UBE2E3: variants seen among roughly 807,000 people sequenced by gnomAD.
UBE2E3 encodes ubiquitin-conjugating enzyme E2 E3.
UBE2E3 carries 5 observed loss-of-function variants against 23.6 expected under a neutral mutation model. That is an observed-to-expected ratio of 0.21 (90% confidence interval 0.11 to 0.44). The LOEUF (loss-of-function observed/expected upper bound fraction) is 0.44, where lower values mean the gene tolerates loss of function less well. Ranked by LOEUF, UBE2E3 falls within the 20% of genes least tolerant of loss-of-function variation. The pLI, the probability that UBE2E3 is intolerant of heterozygous loss-of-function variation, is 0.99. For synonymous variants in UBE2E3, 78 were observed against 87.5 expected (o/e 0.89, Z 0.60); for missense variants, 81 against 249.8 (o/e 0.32, Z 4.55).
intron 3 of UBE2E3, among the ~76,000 whole-genome samples, chr2:181,021,882 G>GC (rs1469384946): frequency 4.6e-5 from 7 of 151,992 alleles, no homozygotes; most frequent in Admixed American, 4.6e-4. Context: ...ATTTTTAAAT[G>GC]CATCTAAAAG....
At chr2:181,060,003 CT>C (rs1574228288) in intron 4 of UBE2E3, among the ~76,000 whole-genome samples, 2 of 151,424 alleles carry the variant, frequency 1.3e-5, no homozygotes, top group African/African-American at 4.8e-5. Context: ...GATTTATCTT[CT>C]TTTCTCACAC....
intron 3 of UBE2E3, among the ~76,000 whole-genome samples, chr2:181,053,821 C>T (rs1007917722): frequency 1.3e-5 from 2 of 151,736 alleles, no homozygotes; most frequent in Non-Finnish European, 2.9e-5. Flanking sequence ...AAGTTCACTC[C>T]CTTACAGATC....
At chr2:181,062,251 C>T (rs887533869) in intron 5 of UBE2E3, among the ~76,000 whole-genome samples, 2 of 151,246 alleles carry the variant, frequency 1.3e-5, no homozygotes, top group Non-Finnish European at 3.0e-5. Context: ...TTTTAAACAT[C>T]AAAATAAAAA....
At chr2:181,049,414 A>C (rs1474221844) in intron 3 of UBE2E3, among the ~76,000 whole-genome samples, 1 of 151,954 alleles carries the variant, frequency 6.6e-6, no homozygotes, top group East Asian at 1.9e-4. Context: ...GTGTTTTTTA[A>C]ATTATTTCAC....
intron 3 of UBE2E3, among the ~76,000 whole-genome samples, chr2:181,028,823 G>C (rs188180677): frequency 1.3e-5 from 2 of 152,074 alleles, no homozygotes; most frequent in East Asian, 3.9e-4. Context: ...TAATGACTTG[G>C]TTCTTTTATG....
intron 3 of UBE2E3, among the ~76,000 whole-genome samples, chr2:180,993,822 A>G (rs2105580097): frequency 6.6e-6 from 1 of 152,248 alleles, no homozygotes; most frequent in South Asian, 2.1e-4. Flanking sequence ...TGCTTTCTGT[A>G]GTCTTCTTAA....
At chr2:180,983,981 AT>A in intron 2 of UBE2E3, 61 bp from the exon 3 acceptor site, 3 of 1,417,794 alleles carry the variant, frequency 2.1e-6, no homozygotes, top group Non-Finnish European at 2.9e-6. Flanking sequence ...GGGCAGTGTA[AT>A]TCCCTGGTTA....
At chr2:181,027,898 A>G (rs1031260007) in intron 3 of UBE2E3, among the ~76,000 whole-genome samples, 1 of 152,030 alleles carries the variant, frequency 6.6e-6, no homozygotes, top group African/African-American at 2.4e-5. Flanking sequence ...AGAAAAGAAT[A>G]CATGTAACAT....
chr2:180,982,321 C>T lies in UBE2E3; in HGVS notation c.194+85C>T, dbSNP rs1684322642. ...GCTTTTGTTGGTTTTACCTCAATAG[C>T]AGTAGTTCAGAAATATTTACTTCAT... On this transcript the variant is annotated intron_variant, in intron 2 of 5. Coordinates refer to ENST00000410062, the MANE Select transcript of UBE2E3 (RefSeq NM_006357.4). The T allele has an allele frequency of 1.3e-5, 15 of 1,198,094 alleles. No homozygotes were observed. In the Admixed American group the frequency reaches 3.3e-4, roughly 26 times the overall value. 74.2% of individuals were successfully genotyped at this position (1,198,094 alleles called of 1,614,324 possible).
chr2:180,988,911 A>T (rs1311005806), intron 3 of UBE2E3, among the ~76,000 whole-genome samples: 1 of 152,138 alleles, frequency 6.6e-6, no homozygotes, highest in East Asian at 1.9e-4. Context: ...TTCTTCAAAA[A>T]AAAAGGTCCT....
intron 3 of UBE2E3, among the ~76,000 whole-genome samples, chr2:181,007,698 A>G (rs556443146): frequency 5.9e-5 from 9 of 152,214 alleles, no homozygotes; most frequent in Non-Finnish European, 1.0e-4. Flanking sequence ...GGGGCCCAAC[A>G]GTGAATGGAG....
At chr2:181,031,173 G>GTTAGATTT (rs1686066520) in intron 3 of UBE2E3, among the ~76,000 whole-genome samples, 1 of 151,904 alleles carries the variant, frequency 6.6e-6, no homozygotes, top group East Asian at 1.9e-4. Flanking sequence ...CTAATGTATT[G>GTTAGATTT]TTAGATTTTA....
upstream of UBE2E3, chr2:180,980,591 C>A (rs971950843): frequency 1.3e-5 from 2 of 148,766 alleles, no homozygotes; most frequent in Non-Finnish European, 3.0e-5. This position sits in a 1 kb window ranked among gnomAD's most constrained non-coding sequence, Gnocchi z 5.5. Flanking sequence ...GCCCCTCCCC[C>A]CCGCGCTCGC....
intron 3 of UBE2E3, among the ~76,000 whole-genome samples, chr2:180,986,130 G>A (rs1684462577): frequency 6.6e-6 from 1 of 152,078 alleles, no homozygotes; most frequent in African/African-American, 2.4e-5. Flanking sequence ...ACAGTAACAT[G>A]GAACACCTCA....
intron 3 of UBE2E3, among the ~76,000 whole-genome samples, chr2:181,027,375 C>G (rs1685929574): frequency 6.6e-6 from 1 of 151,780 alleles, no homozygotes; most frequent in South Asian, 2.1e-4. Context: ...TCATCCAAAC[C>G]TCTTGTTTTA....
chr2:180,990,770 T>C (rs1173186987), intron 3 of UBE2E3, among the ~76,000 whole-genome samples: 3 of 152,220 alleles, frequency 2.0e-5, no homozygotes, highest in Admixed American at 1.3e-4. Context: ...CATTGGACAG[T>C]CATCAAAATT....
At chr2:181,031,686 G>A (rs1353236344) in intron 3 of UBE2E3, among the ~76,000 whole-genome samples, 1 of 151,824 alleles carries the variant, frequency 6.6e-6, no homozygotes, top group Non-Finnish European at 1.5e-5. Context: ...TAGTTTTGGT[G>A]TTTTGTTTTG....
intron 3 of UBE2E3, among the ~76,000 whole-genome samples, chr2:181,021,551 A>ACTCC (rs146392569): frequency 0.15 from 4,121 of 27,086 alleles, 523 homozygotes; most frequent in African/African-American, 0.35. Context: ...TTTTAAATAT[A>ACTCC]CTCCCTTCCT....
intron 3 of UBE2E3, among the ~76,000 whole-genome samples, chr2:180,986,856 A>C (rs781685204): frequency 2.0e-5 from 3 of 152,210 alleles, no homozygotes; most frequent in Non-Finnish European, 4.4e-5. Context: ...AACTCAGCAA[A>C]ACCAAAATTA....
Sources: gnomAD v4.1 joint callset for allele counts (sites outside exome capture counted in the v4.1 genomes callset) on GRCh38, gnomAD v4.1.1 for gene constraint, Gnocchi (gnomAD v3.1) non-coding constraint, MANE v1.5 for transcripts, NCBI Gene and HGNC (gene_info 2026-07-23, HGNC 2026-07-21) for gene names.